The following ASB4 variants were observed in gnomAD, a reference collection of about 807,000 sequenced individuals.
ASB4 encodes ankyrin repeat and SOCS box containing 4.
A neutral mutation model predicts 38.6 loss-of-function variants in ASB4; 35 were observed. That is an observed-to-expected ratio of 0.91 (90% CI 0.69 to 1.20). The LOEUF (loss-of-function observed/expected upper bound fraction) is 1.20. Ranked by LOEUF, ASB4 falls within the 50% of genes most tolerant of loss-of-function variation. The probability of loss-of-function intolerance (pLI) is 0.00; values close to 1 mark genes in which losing one functional copy is unlikely to be tolerated. For synonymous variants in ASB4, 195 were observed against 201.3 expected, an observed-to-expected ratio of 0.97 and a Z score of 0.26; for missense variants, 557 against 527.2, an observed-to-expected ratio of 1.06 and a Z score of -0.55.
At chr7:95,529,054 A>G (rs1355378940) in intron 3 of ASB4, among the ~76,000 whole-genome samples, 2 of 152,198 alleles carry the variant, frequency 1.3e-5, no homozygotes, top group Non-Finnish European at 2.9e-5. Context: ...CAGTATTGAT[A>G]TGACTAAGAC....
intron 2 of ASB4, among the ~76,000 whole-genome samples, chr7:95,518,959 G>A (rs892819996): frequency 2.6e-5 from 4 of 152,160 alleles, no homozygotes; most frequent in African/African-American, 2.4e-5. Context: ...GTAATTTCAC[G>A]GGATGACATA....
chr7:95,537,865 G>T lies in ASB4; in HGVS notation c.*106G>T. ...ACTTGGGTTGATTATAACACTTCAG[G>T]GATTTCAAAACACTTTACAAACACT... On this transcript the variant is annotated 3_prime_UTR_variant, in exon 5 of 5. Coordinates refer to ENST00000325885, the MANE Select transcript of ASB4 (RefSeq NM_016116.3). 3.3e-6 allele frequency: 3 copies of T among 898,566 alleles called. No individual in the cohort carries two copies. Among genetic ancestry groups the T allele is most frequent in the South Asian group, 1.8e-5 (1 of 54,376 alleles). The allele number at this position is 898,566 out of a possible 1,614,324, so 55.7% of individuals were successfully genotyped here. A position where few individuals can be genotyped will look rare whatever the true frequency, so the allele number is the denominator to read the frequency against.
chr7:95,527,842 C>T lies in ASB4; in HGVS notation c.517C>T (p.Gln173Ter), dbSNP rs370333866. The change falls in exon 3 of 5, where the codon CAA becomes TAA. Residue 173 changes from glutamine to a stop codon, truncating the protein, a stop_gained. Transcript: ENST00000325885. LOFTEE classifies it high-confidence loss of function. Reference sequence around the variant, plus strand: ...GAATGTGAACATGAAGACCAACAACCAAGATGAGGAGACGCCCTTGCACAC... The same window carrying T: ...GAATGTGAACATGAAGACCAACAACTAAGATGAGGAGACGCCCTTGCACAC... ...GANVNMKTNN[Q>*]DEETPLHTAA... is the part of the protein sequence containing the mutation. The T allele has an allele frequency of 1.1e-5, 18 of 1,606,100 alleles. No homozygotes were observed. The highest frequency in any genetic ancestry group is 1.5e-5 in the Non-Finnish European group (18 of 1,173,882).
chr7:95,494,418 T>A (rs929788771), intron 1 of ASB4, among the ~76,000 whole-genome samples: 2 of 152,252 alleles, frequency 1.3e-5, no homozygotes, highest in African/African-American at 4.8e-5. Flanking sequence ...TGTTGGCTTA[T>A]TTTGAGATTA....
chr7:95,482,364 G>C (rs1790027983), upstream of ASB4, among the ~76,000 whole-genome samples: 1 of 152,130 alleles, frequency 6.6e-6, no homozygotes, highest in South Asian at 2.1e-4. Context: ...TTTGCATCCA[G>C]ATATTAAAGC....
downstream of ASB4, chr7:95,543,534 C>T (rs1347147648): frequency 5.9e-5 from 9 of 152,208 alleles, no homozygotes; most frequent in Admixed American, 6.5e-5. Context: ...AGATAGAAGC[C>T]ACTATGGACC....
At chr7:95,515,235 C>CTTTCTTTCTT (rs1562817080) in intron 2 of ASB4, among the ~76,000 whole-genome samples, 16 of 75,502 alleles carry the variant, frequency 2.1e-4, no homozygotes, top group Admixed American at 4.2e-4. Context: ...CTTTCTTTTT[C>CTTTCTTTCTT]TTTCTTTCTT....
At chr7:95,543,404 A>T (rs934110549), downstream of ASB4, 3 of 152,094 alleles carry the variant, frequency 2.0e-5, no homozygotes, top group African/African-American at 7.2e-5. Context: ...AGTCACCCCT[A>T]TTGAGTGTGT....
intron 2 of ASB4, among the ~76,000 whole-genome samples, chr7:95,524,874 G>A (rs1214151122): frequency 2.0e-5 from 3 of 152,172 alleles, no homozygotes; most frequent in Non-Finnish European, 4.4e-5. Flanking sequence ...GAGCAGCCTG[G>A]CCTCTCCTTT....
intron 3 of ASB4, among the ~76,000 whole-genome samples, chr7:95,531,479 A>G (rs1562822244): frequency 6.6e-6 from 1 of 152,246 alleles, no homozygotes; most frequent in Non-Finnish European, 1.5e-5. Flanking sequence ...ATGAATAGTA[A>G]TAGCCTTCTT....
At chr7:95,483,159 G>A (rs1047050426), upstream of ASB4, among the ~76,000 whole-genome samples, 1 of 152,142 alleles carries the variant, frequency 6.6e-6, no homozygotes, top group African/African-American at 2.4e-5. Context: ...ATTCTGCCAC[G>A]GAGATATCAG....
At chr7:95,498,423 A>C (rs1013911106) in intron 2 of ASB4, among the ~76,000 whole-genome samples, 2 of 152,186 alleles carry the variant, frequency 1.3e-5, no homozygotes, top group African/African-American at 4.8e-5. Context: ...CATTGTTTTA[A>C]TTTGAATTTC....
At chr7:95,508,397 G>T (rs1293775318) in intron 2 of ASB4, among the ~76,000 whole-genome samples, 1 of 151,940 alleles carries the variant, frequency 6.6e-6, no homozygotes, top group African/African-American at 2.4e-5. Context: ...AAGTATAAAA[G>T]ATCTGAGGAA....
At chr7:95,518,210 G>A (rs1199916091) in intron 2 of ASB4, among the ~76,000 whole-genome samples, 3 of 152,230 alleles carry the variant, frequency 2.0e-5, no homozygotes, top group Non-Finnish European at 4.4e-5. Context: ...GGAAGACCAC[G>A]CTTTCTAGTC....
In ASB4 at chr7:95,485,960, G is replaced by A; in HGVS notation, c.-12G>A. 1.9e-6 allele frequency: 3 copies of A among 1,611,834 alleles called. No homozygotes were observed. The highest frequency in any genetic ancestry group is 2.5e-6 in the Non-Finnish European group (3 of 1,178,534). Reference sequence around the variant, plus strand: ...GATAAATCACAACAAAGCTTCCAGAGGGAGAGGAAGGATGGACGGCACCAC... The same window carrying A: ...GATAAATCACAACAAAGCTTCCAGAAGGAGAGGAAGGATGGACGGCACCAC... On this transcript the variant is annotated 5_prime_UTR_variant, in exon 1 of 5. Transcript: ENST00000325885.
chr7:95,544,229 G>C (rs1584102385), downstream of ASB4: 1 of 152,072 alleles, frequency 6.6e-6, no homozygotes, highest in Non-Finnish European at 1.5e-5. Flanking sequence ...GAAAATGACA[G>C]AACAGAGCAA....
At chr7:95,528,708 G>T in intron 3 of ASB4, 1 of 1,060,150 alleles carries the variant, frequency 9.4e-7, no homozygotes, top group Non-Finnish European at 1.1e-6. Flanking sequence ...CCATGAAAGG[G>T]CCACCCGATT....
At position 95,537,625 on chromosome 7, in the gene ASB4, A is replaced by G; in HGVS notation, c.1147A>G (p.Thr383Ala). 6.2e-7 allele frequency: 1 copy of G among 1,611,914 alleles called. No individual in the cohort carries two copies. The highest frequency in any genetic ancestry group is 8.5e-7 in the Non-Finnish European group (1 of 1,178,800). The change falls in exon 5 of 5, where the codon ACT becomes GCT. Residue 383 changes from threonine (T) to alanine (A), a missense_variant. Transcript: ENST00000325885. ...LFTVCCNSPRTLMHLSRCAIR... is the reference protein window; with the variant it reads ...LFTVCCNSPRALMHLSRCAIR... ...TACTGTGTGCTGTAACTCTCCAAGGACTCTCATGCACTTATCGAGATGTGC... is the reference window on the plus strand; with the variant it reads ...TACTGTGTGCTGTAACTCTCCAAGGGCTCTCATGCACTTATCGAGATGTGC...
chr7:95,548,527 G>T, the ASB4 span, among the ~76,000 whole-genome samples: 4 of 152,154 alleles, frequency 2.6e-5, no homozygotes, highest in Admixed American at 2.6e-4. Context: ...GTTATTATTT[G>T]TAATGCTTAT....
Sources: gnomAD v4.1 joint callset for allele counts (sites outside exome capture counted in the v4.1 genomes callset) on GRCh38, gnomAD v4.1.1 for gene constraint, MANE v1.5 for transcripts, NCBI Gene and HGNC (gene_info 2026-07-23, HGNC 2026-07-21) for gene names.